The following SLC35F1 variants were observed in gnomAD, a reference collection of about 807,000 sequenced individuals.
The protein encoded by SLC35F1 is chromosome 6 open reading frame 169.
A neutral mutation model predicts 48.7 loss-of-function variants in SLC35F1; 14 were observed. The ratio of observed to expected loss-of-function variants is 0.29; its 90% CI spans 0.19 to 0.45. SLC35F1 has a LOEUF of 0.45. SLC35F1 is among the 20% of genes least tolerant of loss of function. The pLI is 1.00. For synonymous variants in SLC35F1, 190 were observed against 202.2 expected (o/e 0.94, Z 0.51); for missense variants, 404 against 500.0 (o/e 0.81, Z 1.83).
intron 2 of SLC35F1, among the ~76,000 whole-genome samples, chr6:118,165,122 TA>T (rs1774298493): frequency 6.6e-6 from 1 of 152,088 alleles, no homozygotes; most frequent in Non-Finnish European, 1.5e-5. Flanking sequence ...TGAGAGATTA[TA>T]AAGGGGAAGG....
At chr6:117,955,586 A>G (rs1776417967) in intron 1 of SLC35F1, among the ~76,000 whole-genome samples, 2 of 152,222 alleles carry the variant, frequency 1.3e-5, no homozygotes, top group African/African-American at 4.8e-5. Flanking sequence ...ATTATAGACA[A>G]GATTTCCAAT....
chr6:118,180,314 G>GCTACTAAT (rs1447079120), intron 2 of SLC35F1, among the ~76,000 whole-genome samples: 1 of 152,012 alleles, frequency 6.6e-6, no homozygotes, highest in African/African-American at 2.4e-5. Flanking sequence ...AGGACTATGA[G>GCTACTAAT]CTACTAATTT....
intron 2 of SLC35F1, 44 bp downstream of exon 2, chr6:118,154,664 T>TAA: frequency 2.0e-6 from 3 of 1,510,124 alleles, no homozygotes; most frequent in Admixed American, 2.0e-5. Context: ...TACAAACACC[T>TAA]AAAAAAAAGA....
At chr6:118,017,570 A>C (rs1411765134) in intron 1 of SLC35F1, among the ~76,000 whole-genome samples, 1 of 152,190 alleles carries the variant, frequency 6.6e-6, no homozygotes, top group Non-Finnish European at 1.5e-5. Flanking sequence ...AATAATGGCA[A>C]CTTGGCAACT....
chr6:118,076,105 T>C (rs1772813953), intron 1 of SLC35F1, among the ~76,000 whole-genome samples: 1 of 152,224 alleles, frequency 6.6e-6, no homozygotes, highest in Non-Finnish European at 1.5e-5. Flanking sequence ...ATTGCTCGTG[T>C]ATTGTGCCTG....
chr6:117,989,601 A>G (rs1776891494), intron 1 of SLC35F1, among the ~76,000 whole-genome samples: 1 of 152,236 alleles, frequency 6.6e-6, no homozygotes, highest in Non-Finnish European at 1.5e-5. Flanking sequence ...GAATTTATAA[A>G]TGATTTGCTA....
intron 1 of SLC35F1, among the ~76,000 whole-genome samples, chr6:117,909,065 G>A (rs969027273): frequency 2.0e-5 from 3 of 152,184 alleles, no homozygotes; most frequent in African/African-American, 4.8e-5. Flanking sequence ...AATCCCTGGT[G>A]GGGAATTAAT....
At chr6:118,272,737 G>GTGTGTGTATATATATATATATATATA (rs201515909) in intron 4 of SLC35F1, among the ~76,000 whole-genome samples, 6 of 120,240 alleles carry the variant, frequency 5.0e-5, no homozygotes, top group African/African-American at 1.3e-4. Context: ...ATATGTGTGT[G>GTGTGTGTATATATATATATATATATA]TATATATATA....
At chr6:118,120,433 T>C (rs1773537998) in intron 1 of SLC35F1, among the ~76,000 whole-genome samples, 2 of 152,138 alleles carry the variant, frequency 1.3e-5, no homozygotes, top group Admixed American at 1.3e-4. Context: ...CAGATGCAGG[T>C]TGATGCTTAA....
chr6:118,173,658 A>G (rs1774443728), intron 2 of SLC35F1, among the ~76,000 whole-genome samples: 1 of 152,138 alleles, frequency 6.6e-6, no homozygotes, highest in African/African-American at 2.4e-5. Context: ...GGAGAGTAGT[A>G]CAGAAGATCT....
At chr6:118,304,125 G>A (rs1776285383) in intron 7 of SLC35F1, among the ~76,000 whole-genome samples, 2 of 152,178 alleles carry the variant, frequency 1.3e-5, no homozygotes, top group South Asian at 2.1e-4. Context: ...ATGCTCATGG[G>A]TGCTCAAACA....
intron 1 of SLC35F1, among the ~76,000 whole-genome samples, chr6:117,976,124 G>C (rs1776702363): frequency 6.6e-6 from 1 of 152,152 alleles, no homozygotes; most frequent in African/African-American, 2.4e-5. Context: ...TAAGGAGTGT[G>C]ATCTTCTTTG....
At position 118,277,518 on chromosome 6, in the gene SLC35F1, G is replaced by A. The variant is rs759932774; in HGVS notation, c.819G>A (p.Leu273=). ...GAGCTATAATGGAGCATAAGGAACT[G>A]TTGAAGGTGCCCTGGGACTGGCAAA... ...IQLAIMEHKE[L]LKVPWDWQIG... is the part of the protein sequence containing the mutation. Residue 273 remains leucine (L), a synonymous_variant, in exon 6 of 8, where the codon CTG becomes CTA. Coordinates refer to ENST00000360388, the MANE Select transcript of SLC35F1 (RefSeq NM_001029858.4). The A allele has an allele frequency of 6.2e-7, 1 of 1,614,092 alleles. No homozygotes were observed. Among genetic ancestry groups the A allele is most frequent in the Non-Finnish European group, 8.5e-7 (1 of 1,179,924 alleles).
At chr6:118,286,953 A>G (rs1459428268) in intron 7 of SLC35F1, among the ~76,000 whole-genome samples, 1 of 152,130 alleles carries the variant, frequency 6.6e-6, no homozygotes, top group African/African-American at 2.4e-5. Context: ...TCTAGCTATC[A>G]TCTCTCCATT....
At chr6:117,978,284 C>A (rs911149172) in intron 1 of SLC35F1, among the ~76,000 whole-genome samples, 3 of 152,014 alleles carry the variant, frequency 2.0e-5, no homozygotes, top group African/African-American at 7.2e-5. Flanking sequence ...AACTCTTCCC[C>A]CTCCCCTGGC....
intron 1 of SLC35F1, among the ~76,000 whole-genome samples, chr6:118,087,233 C>A (rs533117409): frequency 4.0e-4 from 61 of 152,208 alleles, no homozygotes; most frequent in African/African-American, 1.4e-3. Context: ...TTCACATCAT[C>A]CCTCTCTGTC....
At chr6:118,128,680 A>C (rs1179565559) in intron 1 of SLC35F1, among the ~76,000 whole-genome samples, 1 of 151,800 alleles carries the variant, frequency 6.6e-6, no homozygotes, top group Admixed American at 6.6e-5. Flanking sequence ...AGGAGGGGGG[A>C]GGGATAGCAT....
chr6:117,949,221 T>C (rs1192083432), intron 1 of SLC35F1, among the ~76,000 whole-genome samples: 1 of 152,164 alleles, frequency 6.6e-6, no homozygotes, highest in Non-Finnish European at 1.5e-5. Context: ...ACCTGGAAGT[T>C]AGTAAGAAGA....
At chr6:117,929,345 C>T (rs1227379411) in intron 1 of SLC35F1, among the ~76,000 whole-genome samples, 1 of 151,788 alleles carries the variant, frequency 6.6e-6, no homozygotes, top group South Asian at 2.1e-4. Flanking sequence ...TAGACCAAAT[C>T]CCTGGCATTT....
Sources: allele counts gnomAD v4.1 joint callset (sites outside exome capture counted in the v4.1 genomes callset), GRCh38; gene constraint gnomAD v4.1.1; transcripts MANE v1.5; gene names NCBI Gene and HGNC (gene_info 2026-07-23, HGNC 2026-07-21).